C3orf70: variants seen among roughly 807,000 people sequenced by gnomAD.
C3orf70 encodes the protein UPF0524 protein C3orf70.
A neutral mutation model predicts 20.7 loss-of-function variants in C3orf70; 15 were observed. The observed-to-expected ratio is 0.72, with a 90% CI of 0.48 to 1.11. C3orf70 has a LOEUF of 1.11. C3orf70 is among the 50% of genes most tolerant of loss of function. The pLI is 0.00. For synonymous variants in C3orf70, 161 were observed against 125.7 expected (o/e 1.28, Z -1.88); for missense variants, 332 against 317.6 (o/e 1.05, Z -0.34).
In C3orf70 at chr3:185,077,789, T is replaced by TTGG. The variant is rs367783833; in HGVS notation, c.*5217_*5218insCCA. 2.4e-5 allele frequency among the ~76,000 whole-genome samples: 3 copies of TTGG among 124,180 alleles called. No individual in the cohort carries two copies. The highest frequency in any genetic ancestry group is 8.3e-5 in the Admixed American group (1 of 11,994). The allele number at this position is 124,180 out of a possible 152,430, so 81.5% of individuals were successfully genotyped here. A position where few individuals can be genotyped will look rare whatever the true frequency, so the allele number is the denominator to read the frequency against. On this transcript the variant is annotated 3_prime_UTR_variant, in exon 2 of 2. Transcript: ENST00000335012. ...TGAAATAAATGCTATTTGGTGGTGGTGGGGGGGGGGTATCAAGTTTTATTT... is the reference window on the plus strand; with the variant it reads ...TGAAATAAATGCTATTTGGTGGTGGTTGGGGGGGGGGGGTATCAAGTTTTATTT...
chr3:185,089,405 AAGACTTCTTTACTTTCTGGCAGT>A (rs1392996168), intron 1 of C3orf70, among the ~76,000 whole-genome samples: 1 of 152,162 alleles, frequency 6.6e-6, no homozygotes, highest in East Asian at 1.9e-4. Context: ...TCCTTGACTG[AAGACTTCTTTACTTTCTGGCAGT>A]AGAAGACATT....
At chr3:185,141,010 T>C (rs1396808787) in intron 1 of C3orf70, among the ~76,000 whole-genome samples, 1 of 149,532 alleles carries the variant, frequency 6.7e-6, no homozygotes, top group Non-Finnish European at 1.5e-5. Context: ...CCCCAGAAAG[T>C]GCTCTATCCC....
rs939853072 is a variant in C3orf70 at position 185,077,074 on chromosome 3, G to T, written c.*5933C>A. Reference sequence around the variant, plus strand: ...AGTCAAGAGGTGATTAAACATGGAAGAAGCAATGGCCTCATCAGAGCATAG... The same window carrying T: ...AGTCAAGAGGTGATTAAACATGGAATAAGCAATGGCCTCATCAGAGCATAG... On this transcript the variant is annotated 3_prime_UTR_variant, in exon 2 of 2. Transcript: ENST00000335012. 6.6e-6 allele frequency among the ~76,000 whole-genome samples: 1 copy of T among 152,090 alleles called. No homozygotes were observed. The highest frequency in any genetic ancestry group is 1.5e-5 in the Non-Finnish European group (1 of 68,024).
rs1715288954 is a variant in C3orf70 at position 185,079,613 on chromosome 3, T to C, written c.*3394A>G. ...TCATTTCTTGGAAAAGTTATAAGCA[T>C]ATTTGAAACTTGAAACTTCTAAAAT... is the stretch of plus-strand genomic sequence containing the variant. On this transcript the variant is annotated 3_prime_UTR_variant, in exon 2 of 2. Transcript: ENST00000335012. 1 of 152,220 alleles carries C rather than the reference T, an allele frequency of 6.6e-6. No homozygotes were observed. The highest frequency in any genetic ancestry group is 1.9e-4 in the East Asian group (1 of 5,206). The allele number at this position is 152,220 out of a possible 1,614,324, so 9.4% of individuals were successfully genotyped here.
intron 1 of C3orf70, among the ~76,000 whole-genome samples, chr3:185,122,805 G>A (rs561370883): frequency 6.7e-6 from 1 of 150,276 alleles, no homozygotes; most frequent in East Asian, 1.9e-4. Flanking sequence ...AATACAAAAG[G>A]CAATTGGTCT....
intron 1 of C3orf70, among the ~76,000 whole-genome samples, chr3:185,096,612 G>A (rs1358911862): frequency 5.3e-5 from 8 of 152,206 alleles, no homozygotes; most frequent in African/African-American, 1.7e-4. Context: ...GGAGGACTCT[G>A]CAGGAGGAAG....
chr3:185,138,759 T>G (rs1432738951), intron 1 of C3orf70, among the ~76,000 whole-genome samples: 1 of 152,152 alleles, frequency 6.6e-6, no homozygotes, highest in Non-Finnish European at 1.5e-5. Flanking sequence ...TTCCTCAACT[T>G]GATAAAGAAC....
At chr3:185,128,675 T>C (rs1322860995) in intron 1 of C3orf70, among the ~76,000 whole-genome samples, 1 of 152,240 alleles carries the variant, frequency 6.6e-6, no homozygotes, top group Non-Finnish European at 1.5e-5. Context: ...TATGATAATG[T>C]TGACAATTTC....
At chr3:185,124,738 A>G (rs1716373039) in intron 1 of C3orf70, among the ~76,000 whole-genome samples, 1 of 152,216 alleles carries the variant, frequency 6.6e-6, no homozygotes, top group Admixed American at 6.5e-5. Flanking sequence ...GAAAATGAAA[A>G]TCCACAGACT....
chr3:185,083,624 T>A, intron 1 of C3orf70, 61 bp from the exon 2 acceptor site: 1 of 1,179,682 alleles, frequency 8.5e-7, no homozygotes, highest in East Asian at 2.4e-5. Flanking sequence ...AACATGGCCA[T>A]AATGGTTTCT....
At position 185,149,315 on chromosome 3, in the gene C3orf70, C is replaced by A. The variant is rs562150515; in HGVS notation, c.196+3313G>T. Among the ~76,000 whole-genome samples, 341 of 151,524 alleles carry A rather than the reference C, an allele frequency of 2.3e-3. 1 individual carries two copies. Among genetic ancestry groups the A allele is most frequent in the Non-Finnish European group, 4.0e-3 (269 of 67,876 alleles). On this transcript the variant is annotated intron_variant, in intron 1 of 1. Coordinates refer to ENST00000335012, the MANE Select transcript of C3orf70 (RefSeq NM_001025266.3). Reference sequence around the variant, plus strand: ...GCTGAGGCAGGAGAATCACTTGAACCCGGGAGGTGGAGGTTGCAGTGAGCA... The same window carrying A: ...GCTGAGGCAGGAGAATCACTTGAACACGGGAGGTGGAGGTTGCAGTGAGCA...
intron 1 of C3orf70, among the ~76,000 whole-genome samples, chr3:185,117,416 C>CGT (rs1251477438): frequency 8.3e-6 from 1 of 120,116 alleles, no homozygotes; most frequent in African/African-American, 3.5e-5. Flanking sequence ...GTACCACACA[C>CGT]ATACACACAC....
intron 1 of C3orf70, among the ~76,000 whole-genome samples, chr3:185,127,590 C>G (rs1308037365): frequency 1.3e-5 from 2 of 152,060 alleles, no homozygotes; most frequent in Non-Finnish European, 2.9e-5. Flanking sequence ...CAGGCACATG[C>G]CACCACGCCC....
At chr3:185,088,020 T>C (rs149421078) in intron 1 of C3orf70, among the ~76,000 whole-genome samples, 4,071 of 151,902 alleles carry the variant, frequency 0.027, 76 homozygotes, top group East Asian at 0.096. Context: ...CATGCGATTC[T>C]CCTGCCTCAG....
intron 1 of C3orf70, among the ~76,000 whole-genome samples, chr3:185,148,959 T>TA (rs1232190892): frequency 2.6e-5 from 4 of 152,240 alleles, no homozygotes; most frequent in Admixed American, 2.0e-4. Context: ...ATCAACCACA[T>TA]AAAACTGAAC....
intron 1 of C3orf70, among the ~76,000 whole-genome samples, chr3:185,126,808 C>G (rs115543732): frequency 1.8e-3 from 269 of 152,270 alleles, no homozygotes; most frequent in African/African-American, 6.0e-3. Context: ...CCTCTCCAAT[C>G]GCACAGTTGT....
chr3:185,095,205 C>G (rs116350047), intron 1 of C3orf70, among the ~76,000 whole-genome samples: 8 of 152,342 alleles, frequency 5.3e-5, no homozygotes, highest in Non-Finnish European at 8.8e-5. Context: ...CTGTCCTTCT[C>G]TGCAAAAATC....
intron 1 of C3orf70, among the ~76,000 whole-genome samples, chr3:185,092,316 T>C (rs965786193): frequency 2.0e-5 from 3 of 152,114 alleles, no homozygotes; most frequent in South Asian, 4.1e-4. Flanking sequence ...CTAGAGCTTT[T>C]CTTGGCTGCA....
rs1395591084 is a variant in C3orf70, at chr3:185,082,101, A to G, written c.*906T>C. ...TTCCCAGACTTGAAGAACAATTAAA[A>G]GCAGAAAAATGTTGGGGAACCCACC... On this transcript the variant is annotated 3_prime_UTR_variant, in exon 2 of 2. Transcript: ENST00000335012. 6.6e-6 allele frequency: 1 copy of G among 152,202 alleles called. No homozygotes were observed. The highest frequency in any genetic ancestry group is 6.5e-5 in the Admixed American group (1 of 15,284). The allele number at this position is 152,202 out of a possible 1,614,324, so 9.4% of individuals were successfully genotyped here.
Sources: allele counts gnomAD v4.1 joint callset (sites outside exome capture counted in the v4.1 genomes callset), GRCh38; gene constraint gnomAD v4.1.1; transcripts MANE v1.5; gene names NCBI Gene and HGNC (gene_info 2026-07-23, HGNC 2026-07-21).